The following PSD3 variants were observed in gnomAD, a reference collection of about 807,000 sequenced individuals.
PSD3 encodes PH and SEC7 domain-containing protein 3.
A neutral mutation model predicts 105.5 loss-of-function variants in PSD3; 49 were observed. The observed-to-expected ratio is 0.46, with a 90% CI of 0.37 to 0.59. The LOEUF (loss-of-function observed/expected upper bound fraction) is 0.59. Ranked by LOEUF, PSD3 falls within the 20% of genes least tolerant of loss-of-function variation. The probability of loss-of-function intolerance (pLI) is 0.00; values close to 1 mark genes in which losing one functional copy is unlikely to be tolerated. For missense variants in PSD3, 1,561 were observed against 1,263.8 expected (o/e 1.24, Z -3.57); for synonymous variants, 557 against 457.8 (o/e 1.22, Z -2.77).
chr8:18,867,918 A>G lies in PSD3; in HGVS notation c.1390T>C (p.Leu464=), dbSNP rs17127370. 0.069 allele frequency: 111,474 copies of G among 1,613,996 alleles called. 4,891 individuals are homozygous for G. The highest frequency in any genetic ancestry group is 0.2 in the African/African-American group (15,079 of 74,964). Residue 464 remains leucine, a synonymous_variant, in exon 4 of 16, where the codon TTA becomes CTA. Coordinates refer to ENST00000327040, the MANE Select transcript of PSD3 (RefSeq NM_015310.4). ...LYYSAESLET[L]YSEPDSYFSF... ...AAATAGCTATCAGGCTCTGAGTATA[A>G]TGTCTCCAGGGACTCTGCACTGTAG...
At chr8:18,614,349 C>A (rs34451041) in intron 11 of PSD3, among the ~76,000 whole-genome samples, 2,583 of 149,568 alleles carry the variant, frequency 0.017, 98 homozygotes, top group African/African-American at 0.06. Flanking sequence ...ATCCCCCCCC[C>A]AAAAAAATCA....
At chr8:18,755,600 G>C (rs1563228851) in intron 9 of PSD3, among the ~76,000 whole-genome samples, 2 of 151,854 alleles carry the variant, frequency 1.3e-5, no homozygotes, top group Non-Finnish European at 2.9e-5. Context: ...ATTCCCACTG[G>C]GAATCATTAA....
intron 6 of PSD3, chr8:18,803,285 T>TC (rs1238577674): frequency 1.1e-4 from 1 of 9,060 alleles, no homozygotes; most frequent in Non-Finnish European, 2.2e-4. Context: ...AGACTCTGTC[T>TC]CCAAAAAAAA....
At chr8:18,587,118 T>C (rs1052837050) in intron 12 of PSD3, among the ~76,000 whole-genome samples, 2 of 152,134 alleles carry the variant, frequency 1.3e-5, no homozygotes, top group Admixed American at 6.5e-5. Context: ...GAGACATTTC[T>C]GCTATACTGG....
Position 18,671,646 on chromosome 8 carries a change from T to G in PSD3, c.2173-15961A>C, listed in dbSNP as rs570071977. Reference sequence around the variant, plus strand: ...TTTGTTTTTTTGTTTTTTGTTTTTTTTTTTGAGATGGAGTCTCGCTTTGTC... The same window carrying G: ...TTTGTTTTTTTGTTTTTTGTTTTTTGTTTTGAGATGGAGTCTCGCTTTGTC... On this transcript the variant is annotated intron_variant, in intron 9 of 15. Coordinates refer to ENST00000327040, the MANE Select transcript of PSD3 (RefSeq NM_015310.4). 2.0e-3 allele frequency among the ~76,000 whole-genome samples: 304 copies of G among 152,190 alleles called. 6 individuals are homozygous for G. In the South Asian group the frequency reaches 0.044, roughly 22 times the overall value.
chr8:19,031,008 A>G (rs896686277), intron 1 of PSD3, among the ~76,000 whole-genome samples: 2 of 152,174 alleles, frequency 1.3e-5, no homozygotes, highest in African/African-American at 4.8e-5. Context: ...AAGGAAGACT[A>G]CATTTCCCAG....
intron 4 of PSD3, among the ~76,000 whole-genome samples, chr8:18,810,269 A>G (rs562993165): frequency 9.2e-5 from 14 of 152,328 alleles, no homozygotes; most frequent in Non-Finnish European, 2.1e-4. Flanking sequence ...CTCAACAGCC[A>G]TCTGCTAAGA....
chr8:18,929,590 T>A (rs1821603434), intron 2 of PSD3, among the ~76,000 whole-genome samples: 1 of 152,028 alleles, frequency 6.6e-6, no homozygotes, highest in South Asian at 2.1e-4. Context: ...CCAGCCCTCT[T>A]CTATATGAAG....
chr8:18,935,217 A>T (rs1271925238), intron 2 of PSD3, among the ~76,000 whole-genome samples: 1 of 152,234 alleles, frequency 6.6e-6, no homozygotes, highest in Non-Finnish European at 1.5e-5. Flanking sequence ...TCAAAGTGAA[A>T]AATGTTGCTT....
At chr8:18,940,757 G>A (rs116917235) in intron 1 of PSD3, among the ~76,000 whole-genome samples, 6,032 of 152,136 alleles carry the variant, frequency 0.04, 145 homozygotes, top group South Asian at 0.064. Flanking sequence ...TATTCCCTCC[G>A]AAGCATGTGT....
intron 1 of PSD3, among the ~76,000 whole-genome samples, chr8:19,058,255 G>A (rs1828775577): frequency 6.6e-6 from 1 of 152,024 alleles, no homozygotes; most frequent in African/African-American, 2.4e-5. Flanking sequence ...ACAGCGATGA[G>A]GAACAGATCA....
chr8:18,817,277 G>C (rs1302628271), intron 4 of PSD3, among the ~76,000 whole-genome samples: 2 of 152,324 alleles, frequency 1.3e-5, no homozygotes, highest in Admixed American at 1.3e-4. Flanking sequence ...ACACATGTTA[G>C]CTTCCAAAGT....
At chr8:19,018,675 G>C (rs762308840), upstream of PSD3, among the ~76,000 whole-genome samples, 4 of 152,190 alleles carry the variant, frequency 2.6e-5, no homozygotes, top group East Asian at 3.8e-4. Flanking sequence ...CTTGGAATTT[G>C]TTTGGGCATT....
intron 1 of PSD3, among the ~76,000 whole-genome samples, chr8:18,971,262 A>C (rs1824633023): frequency 6.6e-6 from 1 of 152,142 alleles, no homozygotes; most frequent in South Asian, 2.1e-4. Context: ...AGGGCCGGAC[A>C]CCCAGGCTCA....
chr8:18,856,111 C>A (rs573017714), intron 4 of PSD3, among the ~76,000 whole-genome samples: 1 of 152,128 alleles, frequency 6.6e-6, no homozygotes, highest in Non-Finnish European at 1.5e-5. Context: ...TGGCATGTCA[C>A]CCTGCTCCAC....
At chr8:18,997,952 T>C (rs916333791) in intron 1 of PSD3, among the ~76,000 whole-genome samples, 29 of 151,978 alleles carry the variant, frequency 1.9e-4, no homozygotes, top group African/African-American at 6.5e-4. Context: ...ACTCATACAC[T>C]GTCTGTCTTA....
intron 9 of PSD3, among the ~76,000 whole-genome samples, chr8:18,677,854 C>CA (rs1800149173): frequency 6.6e-6 from 1 of 151,734 alleles, no homozygotes; most frequent in South Asian, 2.1e-4. Flanking sequence ...ACTAAAAATA[C>CA]AAAAAATTAG....
intron 9 of PSD3, among the ~76,000 whole-genome samples, chr8:18,667,465 G>A (rs1327259147): frequency 8.5e-5 from 13 of 152,088 alleles, no homozygotes; most frequent in Non-Finnish European, 8.8e-5. Context: ...GATTCTCCAA[G>A]TCCCCACCAG....
intron 8 of PSD3, among the ~76,000 whole-genome samples, chr8:18,775,294 G>C (rs914761637): frequency 6.6e-6 from 1 of 151,958 alleles, no homozygotes; most frequent in Non-Finnish European, 1.5e-5. Context: ...CCATATCTTG[G>C]CTAACGTGAA....
Sources: gnomAD v4.1 joint callset for allele counts (sites outside exome capture counted in the v4.1 genomes callset) on GRCh38, gnomAD v4.1.1 for gene constraint, MANE v1.5 for transcripts, NCBI Gene and HGNC (gene_info 2026-07-23, HGNC 2026-07-21) for gene names.